The following DIS3L2 variants were observed in gnomAD, a reference collection of about 807,000 sequenced individuals.
DIS3L2 encodes DIS3 like 3'-5' exoribonuclease 2, also known as DIS3-like exonuclease 2.
A neutral mutation model predicts 97.5 loss-of-function variants in DIS3L2; 34 were observed. The observed-to-expected ratio is 0.35, with a 90% confidence interval of 0.27 to 0.46. DIS3L2 has a LOEUF of 0.46. Among genes scored for constraint, DIS3L2 ranks in the 20% least tolerant of loss-of-function variants. The pLI, the probability that DIS3L2 is intolerant of heterozygous loss-of-function variation, is 1.00. For missense variants in DIS3L2, 1,038 were observed against 1,146.0 expected, an observed-to-expected ratio of 0.91 and a Z score of 1.36; for synonymous variants, 435 against 445.2, an observed-to-expected ratio of 0.98 and a Z score of 0.29.
At chr2:232,033,075 G>T (rs1426280904) in intron 5 of DIS3L2, among the ~76,000 whole-genome samples, 1 of 152,102 alleles carries the variant, frequency 6.6e-6, no homozygotes, top group African/African-American at 2.4e-5. Context: ...ATTACTTTGG[G>T]CACTATGGCC....
chr2:232,158,724 A>G (rs1397859305), intron 8 of DIS3L2, among the ~76,000 whole-genome samples: 1 of 152,166 alleles, frequency 6.6e-6, no homozygotes, highest in African/African-American at 2.4e-5. Flanking sequence ...ACCCAGACAG[A>G]CAGTTAAAGA....
chr2:232,054,054 A>G (rs903721414), intron 5 of DIS3L2, among the ~76,000 whole-genome samples: 10 of 152,324 alleles, frequency 6.6e-5, no homozygotes, highest in Non-Finnish European at 1.3e-4. Flanking sequence ...TATTACCAAT[A>G]ACAAAAGATG....
At chr2:231,963,903 G>A (rs1692636164) in intron 1 of DIS3L2, among the ~76,000 whole-genome samples, 1 of 152,100 alleles carries the variant, frequency 6.6e-6, no homozygotes, top group Non-Finnish European at 1.5e-5. Flanking sequence ...ATTTTTTATG[G>A]AGATGTGGTT....
chr2:232,318,533 A>G (rs1184667682), intron 14 of DIS3L2, among the ~76,000 whole-genome samples: 4 of 152,146 alleles, frequency 2.6e-5, no homozygotes, highest in African/African-American at 9.7e-5. Flanking sequence ...AGCATTTGCA[A>G]GGGGGTGACA....
chr2:232,300,130 C>A lies in DIS3L2; in HGVS notation c.1739+11C>A. On this transcript the variant is annotated intron_variant, in intron 14 of 20. Coordinates refer to ENST00000325385, the MANE Select transcript of DIS3L2 (RefSeq NM_152383.5). ...CCGCGAGAGCAACAAGTAAGCCACT[C>A]AGTGGGAAAGAGTGTCACTTCACAT... 1 of 1,612,684 alleles carries A rather than the reference C, an allele frequency of 6.2e-7. No homozygotes were observed. Among genetic ancestry groups the A allele is most frequent in the South Asian group, 1.1e-5 (1 of 91,012 alleles).
intron 12 of DIS3L2, among the ~76,000 whole-genome samples, chr2:232,255,124 G>A (rs1389417781): frequency 6.6e-6 from 1 of 152,204 alleles, no homozygotes; most frequent in African/African-American, 2.4e-5. Context: ...AGCAAGGGCT[G>A]GGGGAACAAA....
intron 10 of DIS3L2, among the ~76,000 whole-genome samples, chr2:232,224,280 A>G (rs753200255): frequency 5.9e-5 from 9 of 152,144 alleles, no homozygotes; most frequent in African/African-American, 1.2e-4. Context: ...ATGGTACTAG[A>G]CTGGTTGGAT....
chr2:232,036,163 C>T (rs1196465772), intron 5 of DIS3L2, among the ~76,000 whole-genome samples: 2 of 152,156 alleles, frequency 1.3e-5, no homozygotes, highest in African/African-American at 2.4e-5. Context: ...ATCAATCAAA[C>T]GTAGGTTTGG....
chr2:232,056,657 C>G (rs1482087854), intron 5 of DIS3L2, among the ~76,000 whole-genome samples: 3 of 152,132 alleles, frequency 2.0e-5, no homozygotes, highest in African/African-American at 7.2e-5. Flanking sequence ...ATCCAAATGG[C>G]CAATGCACTT....
At position 232,238,554 on chromosome 2, in the gene DIS3L2, A is replaced by C; in HGVS notation, c.1226A>C (p.His409Pro). The C allele has an allele frequency of 6.2e-7, 1 of 1,614,172 alleles. No individual in the cohort carries two copies. Among genetic ancestry groups the C allele is most frequent in the Non-Finnish European group, 8.5e-7 (1 of 1,180,010 alleles). Residue 409 changes from histidine to proline, a missense_variant, in exon 11 of 21, where the codon CAC becomes CCC. Coordinates refer to ENST00000325385, the MANE Select transcript of DIS3L2 (RefSeq NM_152383.5). Reference protein sequence around the residue: ...LADGNFKVGVHIADVSYFVPE... With the variant: ...LADGNFKVGVPIADVSYFVPE... ...ACAGGCAACTTCAAAGTGGGAGTTC[A>C]CATTGCTGACGTGAGTTACTTTGTT...
intron 3 of DIS3L2, among the ~76,000 whole-genome samples, chr2:232,019,359 CT>C (rs1160978758): frequency 2.6e-4 from 40 of 152,166 alleles, no homozygotes; most frequent in African/African-American, 9.2e-4. Flanking sequence ...TAAGACCAGC[CT>C]GGGCAACATA....
chr2:232,304,690 G>C (rs1277418487), intron 14 of DIS3L2, among the ~76,000 whole-genome samples: 4 of 152,196 alleles, frequency 2.6e-5, no homozygotes, highest in Non-Finnish European at 5.9e-5. Context: ...CCTCCCGGCT[G>C]TCCTCTCTGC....
At chr2:232,162,463 C>T (rs2106376282) in intron 8 of DIS3L2, among the ~76,000 whole-genome samples, 1 of 152,326 alleles carries the variant, frequency 6.6e-6, no homozygotes, top group East Asian at 1.9e-4. Context: ...TCCCCTATTC[C>T]TCTTTACCAC....
At chr2:232,192,829 C>T (rs1386956460) in intron 9 of DIS3L2, among the ~76,000 whole-genome samples, 1 of 152,214 alleles carries the variant, frequency 6.6e-6, no homozygotes, top group African/African-American at 2.4e-5. Flanking sequence ...CTCACTTAAG[C>T]AGAAAGGGGA....
At chr2:232,101,821 T>C (rs766014731) in intron 6 of DIS3L2, among the ~76,000 whole-genome samples, 1 of 152,238 alleles carries the variant, frequency 6.6e-6, no homozygotes. Context: ...TAGCAATATA[T>C]ACAATACAGG....
chr2:232,336,227 C>T (rs1465246426), intron 20 of DIS3L2: 19 of 1,539,264 alleles, frequency 1.2e-5, no homozygotes, highest in East Asian at 5.0e-5. Flanking sequence ...GCCCTGAACG[C>T]GGACCCAGGC....
chr2:232,169,690 C>G (rs774404855), intron 9 of DIS3L2, among the ~76,000 whole-genome samples: 35 of 152,154 alleles, frequency 2.3e-4, no homozygotes, highest in Non-Finnish European at 4.7e-4. Flanking sequence ...ATCCCCTGTC[C>G]TGGGTCATCC....
intron 9 of DIS3L2, among the ~76,000 whole-genome samples, chr2:232,166,339 C>T (rs540911391): frequency 3.4e-5 from 5 of 147,922 alleles, no homozygotes; most frequent in South Asian, 2.2e-4. Flanking sequence ...CACACACACA[C>T]GCGTGCGCGC....
intron 1 of DIS3L2, among the ~76,000 whole-genome samples, chr2:231,964,636 CATT>C (rs1448454358): frequency 6.6e-6 from 1 of 152,156 alleles, no homozygotes; most frequent in Non-Finnish European, 1.5e-5. Context: ...TTGGAAATGA[CATT>C]ATTTGGGAAT....
Sources: allele counts gnomAD v4.1 joint callset (sites outside exome capture counted in the v4.1 genomes callset), GRCh38; gene constraint gnomAD v4.1.1; transcripts MANE v1.5; gene names NCBI Gene and HGNC (gene_info 2026-07-23, HGNC 2026-07-21).